Variants in CXCL17 observed in about 807,000 individuals in gnomAD.
The protein encoded by CXCL17 is C-X-C motif chemokine 17.
Under a neutral mutation model 15.5 loss-of-function variants are expected in CXCL17, and 9 were observed. That is an observed-to-expected ratio of 0.58 (90% CI 0.35 to 1.01). CXCL17 has a LOEUF of 1.01. CXCL17 is among the 50% of genes least tolerant of loss of function. CXCL17 has a pLI of 0.02. For synonymous variants in CXCL17, 52 were observed against 52.3 expected, an observed-to-expected ratio of 0.99 and a Z score of 0.02; for missense variants, 133 against 138.2, an observed-to-expected ratio of 0.96 and a Z score of 0.19.
chr19:42,435,039 C>T (rs937706304), intron 1 of CXCL17, among the ~76,000 whole-genome samples: 8 of 151,696 alleles, frequency 5.3e-5, no homozygotes, highest in Admixed American at 5.3e-4. Flanking sequence ...ATTAGGCGGG[C>T]GTGGTGGCGG....
intron 3 of CXCL17, 31 bp downstream of exon 3, chr19:42,432,945 G>A (rs1343506527): frequency 6.6e-7 from 1 of 1,522,780 alleles, no homozygotes; most frequent in African/African-American, 1.4e-5. Context: ...AGTGACTCTG[G>A]TATAAGGAAA....
At position 42,441,797 on chromosome 19, in the gene CXCL17, G is replaced by A. The variant is rs566213755; in HGVS notation, c.79+957C>T. ...TTTTCTGCGTGGTTGCTCTGTGCAG[G>A]GCTGGGCCACTTTATAGTGAAAGCT... On this transcript the variant is annotated intron_variant, in intron 1 of 3. Transcript: ENST00000601181. Among the ~76,000 whole-genome samples, 29 of 152,276 alleles carry A rather than the reference G, an allele frequency of 1.9e-4. 1 individual carries two copies. In the South Asian group the frequency reaches 6.0e-3, roughly 32 times the overall value.
chr19:42,433,220 C>A, intron 2 of CXCL17, 143 bp from the exon 3 acceptor site: 1 of 609,134 alleles, frequency 1.6e-6, no homozygotes, highest in South Asian at 2.1e-5. Flanking sequence ...GAACAGTGTC[C>A]ATCCAGCTAT....
intron 1 of CXCL17, among the ~76,000 whole-genome samples, chr19:42,435,643 A>T (rs2040827191): frequency 6.6e-6 from 1 of 152,074 alleles, no homozygotes; most frequent in South Asian, 2.1e-4. Flanking sequence ...CAGCCTGGCC[A>T]ACATAGTGAA....
intron 3 of CXCL17, among the ~76,000 whole-genome samples, chr19:42,429,329 C>T (rs1194225035): frequency 6.7e-6 from 1 of 149,814 alleles, no homozygotes; most frequent in East Asian, 2.0e-4. Context: ...GCCTGGCCTT[C>T]ACATTTAATT....
At chr19:42,430,462 C>T (rs1193605373) in intron 3 of CXCL17, among the ~76,000 whole-genome samples, 1 of 151,760 alleles carries the variant, frequency 6.6e-6, no homozygotes, top group Non-Finnish European at 1.5e-5. Context: ...GGTGTGGTGG[C>T]GCATCCCTGT....
At chr19:42,434,766 C>T (rs1170495360) in intron 1 of CXCL17, among the ~76,000 whole-genome samples, 1 of 152,100 alleles carries the variant, frequency 6.6e-6, no homozygotes, top group African/African-American at 2.4e-5. Flanking sequence ...CCCAGTTCAA[C>T]TATTAAACGA....
chr19:42,433,720 G>T, intron 2 of CXCL17, 56 bp downstream of exon 2: 2 of 1,455,958 alleles, frequency 1.4e-6, no homozygotes, highest in South Asian at 1.1e-5. Flanking sequence ...GGGGCCCAAG[G>T]GAGAGAGCTG....
At chr19:42,438,013 T>C (rs1208792003) in intron 1 of CXCL17, among the ~76,000 whole-genome samples, 2 of 152,030 alleles carry the variant, frequency 1.3e-5, no homozygotes, top group African/African-American at 4.8e-5. Flanking sequence ...TAAAGTCTAA[T>C]TTATGAATTA....
chr19:42,438,405 T>TATAA (rs1434854356), intron 1 of CXCL17, among the ~76,000 whole-genome samples: 2 of 66,880 alleles, frequency 3.0e-5, no homozygotes, highest in Non-Finnish European at 5.6e-5. Flanking sequence ...TATATATATA[T>TATAA]AAAATACACA....
At chr19:42,432,443 C>T (rs1189741182) in intron 3 of CXCL17, among the ~76,000 whole-genome samples, 1 of 152,124 alleles carries the variant, frequency 6.6e-6, no homozygotes, top group Non-Finnish European at 1.5e-5. Flanking sequence ...CTGTGCCCGG[C>T]TGCCAATTTA....
chr19:42,442,723 C>G (rs377481130), intron 1 of CXCL17, 31 bp downstream of exon 1: 11 of 1,537,528 alleles, frequency 7.2e-6, no homozygotes, highest in East Asian at 6.7e-5. Flanking sequence ...TTTCTCCCCC[C>G]GTTTTCCCCT....
chr19:42,439,064 G>A (rs1404124508), intron 1 of CXCL17, among the ~76,000 whole-genome samples: 6 of 152,066 alleles, frequency 3.9e-5, no homozygotes, highest in African/African-American at 1.2e-4. Flanking sequence ...GACCAGCCTG[G>A]CTAACATGAC....
intron 1 of CXCL17, among the ~76,000 whole-genome samples, chr19:42,438,371 A>T (rs2040853819): frequency 9.3e-6 from 1 of 107,254 alleles, no homozygotes; most frequent in Non-Finnish European, 1.7e-5. Flanking sequence ...AAAAAAAAAA[A>T]AAAAAAAAAA....
intron 1 of CXCL17, 134 bp from the exon 2 acceptor site, chr19:42,433,990 T>A (rs1056287969): frequency 1.6e-6 from 1 of 619,260 alleles, no homozygotes; most frequent in Non-Finnish European, 2.8e-6. Context: ...CTTCAAGAGA[T>A]GAATATTTTA....
At chr19:42,438,701 C>G (rs976496524) in intron 1 of CXCL17, among the ~76,000 whole-genome samples, 5 of 151,864 alleles carry the variant, frequency 3.3e-5, no homozygotes, top group Non-Finnish European at 5.9e-5. Flanking sequence ...ACTAGGGCTT[C>G]CAGGAAAAAT....
intron 1 of CXCL17, among the ~76,000 whole-genome samples, chr19:42,440,480 C>T (rs1485250725): frequency 1.3e-5 from 2 of 152,182 alleles, no homozygotes; most frequent in African/African-American, 4.8e-5. Flanking sequence ...TGAGCCCGGC[C>T]GCCACCCACT....
At chr19:42,436,635 G>A (rs1283729487) in intron 1 of CXCL17, among the ~76,000 whole-genome samples, 1 of 152,146 alleles carries the variant, frequency 6.6e-6, no homozygotes. Context: ...ACCATAGCAT[G>A]TAAACACATT....
chr19:42,432,658 T>C (rs2040795124), intron 3 of CXCL17, among the ~76,000 whole-genome samples: 1 of 152,100 alleles, frequency 6.6e-6, no homozygotes, highest in Admixed American at 6.5e-5. Context: ...AGGAGTCAAA[T>C]TCTGTTTGAT....
Sources: allele counts gnomAD v4.1 joint callset (sites outside exome capture counted in the v4.1 genomes callset), GRCh38; gene constraint gnomAD v4.1.1; transcripts MANE v1.5; gene names NCBI Gene and HGNC (gene_info 2026-07-23, HGNC 2026-07-21).